The following GAA variants were observed in gnomAD, a reference collection of about 807,000 sequenced individuals.
GAA encodes the protein lysosomal alpha-glucosidase.
Under a neutral mutation model 103.9 loss-of-function variants are expected in GAA, and 88 were observed. The observed-to-expected ratio is 0.85, with a 90% CI of 0.71 to 1.01. The LOEUF is 1.01. Among genes scored for constraint, GAA ranks in the 50% least tolerant of loss-of-function variants. The pLI is 0.00. For missense variants in GAA, 1,350 were observed against 1,305.3 expected, an observed-to-expected ratio of 1.03 and a Z score of -0.53; for synonymous variants, 572 against 563.1, an observed-to-expected ratio of 1.02 and a Z score of -0.22.
At chr17:80,107,949 C>T in intron 5 of GAA, 53 bp downstream of exon 5, 1 of 1,517,140 alleles carries the variant, frequency 6.6e-7, no homozygotes, top group Non-Finnish European at 9.0e-7. Flanking sequence ...GTGCTGCCTG[C>T]CCTGGAGACT....
In GAA at chr17:80,112,518, G is replaced by A. The variant is rs895316499; in HGVS notation, c.1755-60G>A. 19 of 1,605,044 alleles carry A rather than the reference G, an allele frequency of 1.2e-5. No individual in the cohort carries two copies. In the African/African-American group the frequency reaches 2.4e-4, roughly 20 times the overall value. On this transcript the variant is annotated intron_variant, in intron 12 of 19. Coordinates refer to ENST00000302262, the MANE Select transcript of GAA (RefSeq NM_000152.5). ...TTGCTCCCAGCTCTGCCCTGCTGGTGACAGGGTTCCCGAGTGACCCCGCTC... is the reference window on the plus strand; with the variant it reads ...TTGCTCCCAGCTCTGCCCTGCTGGTAACAGGGTTCCCGAGTGACCCCGCTC...
In GAA at chr17:80,118,200, G is replaced by T; in HGVS notation, c.2489G>T (p.Gly830Val). Residue 830 changes from glycine to valine, a missense_variant, in exon 18 of 20, where the codon GGC (glycine) becomes GTC (valine). By Grantham distance (109) the Gly-to-Val change is moderately radical (BLOSUM62 -3). Coordinates refer to ENST00000302262, the MANE Select transcript of GAA (RefSeq NM_000152.5). ...AGYIIPLQGP[G>V]LTTTESRQQP... The stretch of plus-strand genomic sequence containing the variant: ...GTGTCCTTCCCTTTCCAGGGCCCTG[G>T]CCTCACAACCACAGAGTCCCGCCAG... 3 of 1,613,064 alleles carry T rather than the reference G, an allele frequency of 1.9e-6. No individual in the cohort carries two copies. The highest frequency in any genetic ancestry group is 2.5e-6 in the Non-Finnish European group (3 of 1,179,858).
chr17:80,109,926 C>T lies in GAA; in HGVS notation c.1327-19C>T, dbSNP rs749565235. On this transcript the variant is annotated intron_variant, in intron 8 of 19. Coordinates refer to ENST00000302262, the MANE Select transcript of GAA (RefSeq NM_000152.5). ...GGGCTCTGGGCCACCCTCACCTTGA[C>T]AGGTTTCCCTCTTCCCAGGATCCTG... 23 of 1,602,044 alleles carry T rather than the reference C, an allele frequency of 1.4e-5. No individual in the cohort carries two copies. Among genetic ancestry groups the T allele is most frequent in the East Asian group, 2.2e-5 (1 of 44,806 alleles).
In GAA at chr17:80,108,605, C is replaced by A. The variant is rs369707231; in HGVS notation, c.1192C>A (p.Leu398Met). 1.1e-5 allele frequency: 17 copies of A among 1,612,834 alleles called. No homozygotes were observed. Among genetic ancestry groups the A allele is most frequent in the South Asian group, 3.3e-5 (3 of 91,064 alleles). ...GAACATGACCAGGGCCCACTTCCCC[C>A]TGGTGAGTTGGGGTGGTGGCAGGGG... ...VENMTRAHFP[L>M]DVQWNDLDYM... The change falls in exon 7 of 20, where the codon CTG (leucine) becomes ATG (methionine). Residue 398 changes from leucine to methionine, a missense_variant and splice_region_variant. Physicochemically the swap from Leu to Met is conservative, Grantham distance 15. Transcript: ENST00000302262.
Position 80,105,074 on chromosome 17 carries a change from A to T in GAA, c.488A>T (p.Asp163Val), listed in dbSNP as rs755903462. Reference protein sequence around the residue: ...TRTTPTFFPKDILTLRLDVMM... With the variant: ...TRTTPTFFPKVILTLRLDVMM... Reference sequence around the variant, plus strand: ...ACCACCCCCACCTTCTTCCCCAAGGACATCCTGACCCTGCGGCTGGACGTG... The same window carrying T: ...ACCACCCCCACCTTCTTCCCCAAGGTCATCCTGACCCTGCGGCTGGACGTG... Residue 163 changes from aspartate (D) to valine (V), a missense_variant, in exon 2 of 20, where the codon GAC (aspartate) becomes GTC (valine). Physicochemically the swap from Asp to Val is radical, Grantham distance 152. Transcript: ENST00000302262. 3.1e-6 allele frequency: 5 copies of T among 1,612,544 alleles called. No individual in the cohort carries two copies. Among genetic ancestry groups the T allele is most frequent in the Non-Finnish European group, 3.4e-6 (4 of 1,180,002 alleles).
In GAA at chr17:80,109,737, G is replaced by GC. The variant is rs535556310; in HGVS notation, c.1327-204dup. Among the ~76,000 whole-genome samples, 16 of 152,284 alleles carry GC rather than the reference G, an allele frequency of 1.1e-4. No individual in the cohort carries two copies. The South Asian group carries it at 2.1e-3, about 20-fold the overall frequency. On this transcript the variant is annotated intron_variant, in intron 8 of 19. Coordinates refer to ENST00000302262, the MANE Select transcript of GAA (RefSeq NM_000152.5). ...AAAGGTAAAGCTTCCATTCCGGCGCGCCCCTCATCAGCCAGCTGGTCCTGA... is the reference window on the plus strand; with the variant it reads ...AAAGGTAAAGCTTCCATTCCGGCGCGCCCCCTCATCAGCCAGCTGGTCCTGA...
chr17:80,104,412 G>A lies in GAA; in HGVS notation c.-32-143G>A, dbSNP rs2143822374. 1 of 625,870 alleles carries A rather than the reference G, an allele frequency of 1.6e-6. No individual in the cohort carries two copies. Among genetic ancestry groups the A allele is most frequent in the African/African-American group, 1.8e-5 (1 of 54,440 alleles). 38.8% of individuals were successfully genotyped at this position (625,870 alleles called of 1,614,324 possible). A position where few individuals can be genotyped will look rare whatever the true frequency, so the allele number is the denominator to read the frequency against. On this transcript the variant is annotated intron_variant, in intron 1 of 19. Transcript: ENST00000302262. This position sits in a 1 kb window ranked among gnomAD's most constrained non-coding sequence, Gnocchi z 4.0. ...GGCCCTCTCCCCAGTCTAGACAGCA[G>A]GGCAACACCCACCCTGGCCACCTTA...
chr17:80,114,716 A>G lies in GAA; in HGVS notation c.2189+1350A>G, dbSNP rs117846228. 9.8e-3 allele frequency among the ~76,000 whole-genome samples: 1,487 copies of G among 152,346 alleles called. 15 individuals carry two copies. The highest frequency in any genetic ancestry group is 0.041 in the Middle Eastern group (12 of 294). On this transcript the variant is annotated intron_variant, in intron 15 of 19. Coordinates refer to ENST00000302262, the MANE Select transcript of GAA (RefSeq NM_000152.5). ...GTCTGCCTTTTATATTTACTGATGT[A>G]GTTACCTTTACCCATGGTTTTATTT...
At chr17:80,108,164 A>T in intron 5 of GAA, 126 bp from the exon 6 acceptor site, 1 of 1,538,408 alleles carries the variant, frequency 6.5e-7, no homozygotes, top group Non-Finnish European at 9.0e-7. Flanking sequence ...CGGCTTCCCC[A>T]GGCCACTCTG....
At chr17:80,108,264 C>G in intron 5 of GAA, 26 bp from the exon 6 acceptor site, 1 of 1,613,392 alleles carries the variant, frequency 6.2e-7, no homozygotes. Context: ...ATCTGTCCCC[C>G]AACCCCAGAG....
At position 80,111,139 on chromosome 17, in the gene GAA, GGGC is replaced by G. The variant is rs1567833453; in HGVS notation, c.1636+117_1636+119del. ...GAAGCAGATGGGCCAGCGGGGAAAG[GGGC>G]GGGGGGGGGATCCCCAGGAGAAAGG... On this transcript the variant is annotated intron_variant, in intron 11 of 19. Transcript: ENST00000302262. 177 of 939,592 alleles carry G rather than the reference GGGC, an allele frequency of 1.9e-4. 1 individual carries two copies. The highest frequency in any genetic ancestry group is 4.7e-4 in the African/African-American group (24 of 50,958). 58.2% of individuals were successfully genotyped at this position (939,592 alleles called of 1,614,324 possible).
chr17:80,112,234 T>A, intron 12 of GAA, 134 bp downstream of exon 12: 1 of 871,412 alleles, frequency 1.1e-6, no homozygotes, highest in Non-Finnish European at 1.9e-6. Flanking sequence ...GCCCGAGTGC[T>A]CTCCCCACCC....
At chr17:80,105,923 T>C (rs752402474) in intron 3 of GAA, 29 bp downstream of exon 3, 2 of 1,571,474 alleles carry the variant, frequency 1.3e-6, no homozygotes, top group Non-Finnish European at 1.7e-6. Flanking sequence ...GCCAGCATGA[T>C]GGGGAGGGCG....
At chr17:80,117,458 G>T (rs1016603092) in intron 16 of GAA, 142 bp from the exon 17 acceptor site, 1 of 994,646 alleles carries the variant, frequency 1.0e-6, no homozygotes, top group Middle Eastern at 2.7e-4. Context: ...CTGAGTCTGC[G>T]CCTGAAGTCA....
chr17:80,104,346 C>G lies in GAA; in HGVS notation c.-32-209C>G, dbSNP rs1265739718. On this transcript the variant is annotated intron_variant, in intron 1 of 19. Coordinates refer to ENST00000302262, the MANE Select transcript of GAA (RefSeq NM_000152.5). This position sits in a 1 kb window ranked among gnomAD's most constrained non-coding sequence, Gnocchi z 4.0. Reference sequence around the variant, plus strand: ...AACATTTTAGCAGACTGTGCAAGTGCTCTGCACTCCCCTGCTGGAGCTTTT... The same window carrying G: ...AACATTTTAGCAGACTGTGCAAGTGGTCTGCACTCCCCTGCTGGAGCTTTT... Among the ~76,000 whole-genome samples, 2 of 152,174 alleles carry G rather than the reference C, an allele frequency of 1.3e-5. No homozygotes were observed.
At chr17:80,113,100 C>T in intron 14 of GAA, 73 bp downstream of exon 14, 1 of 1,553,878 alleles carries the variant, frequency 6.4e-7, no homozygotes, top group Admixed American at 1.9e-5. Context: ...AATCCCACCC[C>T]TGCTGGAGAA....
In GAA at chr17:80,118,741, C is replaced by T. The variant is rs778874712; in HGVS notation, c.2735C>T (p.Ala912Val). Reference protein sequence around the residue: ...QKVTVLGVATAPQQVLSNGVP... With the variant: ...QKVTVLGVATVPQQVLSNGVP... ...GTGACTGTCCTGGGCGTGGCCACGG[C>T]GCCCCAGCAGGTCCTCTCCAACGGT... Residue 912 changes from alanine to valine, a missense_variant, in exon 19 of 20, where the codon GCG becomes GTG. Ala to Val is a moderately conservative substitution (Grantham distance 64). Transcript: ENST00000302262. 8.7e-6 allele frequency: 14 copies of T among 1,613,292 alleles called. No individual in the cohort carries two copies. The highest frequency in any genetic ancestry group is 1.2e-5 in the Non-Finnish European group (14 of 1,180,026).
intron 8 of GAA, among the ~76,000 whole-genome samples, chr17:80,109,593 T>C (rs2039180013): frequency 1.3e-5 from 2 of 151,904 alleles, no homozygotes; most frequent in Admixed American, 6.6e-5. Context: ...CAAACAGTAG[T>C]AGCCCTTAAG....
intron 1 of GAA, among the ~76,000 whole-genome samples, chr17:80,102,943 G>A (rs908275906): frequency 2.0e-5 from 3 of 152,192 alleles, no homozygotes; most frequent in Admixed American, 6.5e-5. Context: ...ACACCCAGCC[G>A]TGTCCAGAAA....
Sources: gnomAD v4.1 joint callset for allele counts (sites outside exome capture counted in the v4.1 genomes callset) on GRCh38, gnomAD v4.1.1 for gene constraint, Gnocchi (gnomAD v3.1) non-coding constraint, MANE v1.5 for transcripts, NCBI Gene and HGNC (gene_info 2026-07-23, HGNC 2026-07-21) for gene names.